The following LMTK3 variants were observed in gnomAD, a reference collection of about 807,000 sequenced individuals.
The protein encoded by LMTK3 is serine/threonine-protein kinase LMTK3.
A neutral mutation model predicts 116.7 loss-of-function variants in LMTK3; 27 were observed. That is an observed-to-expected ratio of 0.23 (90% CI 0.17 to 0.32). LMTK3 has a LOEUF of 0.32. Ranked by LOEUF, LMTK3 falls within the 10% of genes least tolerant of loss-of-function variation. The probability of loss-of-function intolerance (pLI) is 1.00; values close to 1 mark genes in which losing one functional copy is unlikely to be tolerated. For missense variants in LMTK3, 1,764 were observed against 2,068.5 expected (o/e 0.85, Z 2.86); for synonymous variants, 965 against 971.0 (o/e 0.99, Z 0.11).
Position 48,498,366 on chromosome 19 carries a change from C to G in LMTK3, c.2703G>C (p.Pro901=), listed in dbSNP as rs374685950. ...GRGPGNREKV[P]GLNRDPTVLG... Reference sequence around the variant, plus strand: ...GGACTGTCGGGTCCCTGTTCAGGCCCGGGACTTTCTCTCTGTTCCCGGGGC... The same window carrying G: ...GGACTGTCGGGTCCCTGTTCAGGCCGGGGACTTTCTCTCTGTTCCCGGGGC... Residue 901 remains proline (P), a synonymous_variant, in exon 11 of 15, where the codon CCG becomes CCC. Coordinates refer to ENST00000600059, the MANE Select transcript of LMTK3 (RefSeq NM_001388485.1). 94 of 1,612,754 alleles carry G rather than the reference C, an allele frequency of 5.8e-5. 1 individual carries two copies. The highest frequency in any genetic ancestry group is 7.5e-5 in the Non-Finnish European group (89 of 1,179,704).
At chr19:48,507,883 G>C (rs1349639189) in intron 5 of LMTK3, among the ~76,000 whole-genome samples, 1 of 152,180 alleles carries the variant, frequency 6.6e-6, no homozygotes, top group Non-Finnish European at 1.5e-5. Context: ...CTGGGGTATG[G>C]GTTATGAAGA....
intron 14 of LMTK3, among the ~76,000 whole-genome samples, chr19:48,488,005 C>G (rs960684430): frequency 6.6e-6 from 1 of 152,146 alleles, no homozygotes; most frequent in African/African-American, 2.4e-5. Context: ...GGGAGCCAGA[C>G]AGGCTCAGCA....
At chr19:48,489,478 C>T (rs1166118435) in intron 14 of LMTK3, among the ~76,000 whole-genome samples, 1 of 152,112 alleles carries the variant, frequency 6.6e-6, no homozygotes, top group African/African-American at 2.4e-5. Context: ...GAGGCTGAGG[C>T]AGGAGAATCG....
chr19:48,497,876 G>A lies in LMTK3; in HGVS notation c.3193C>T (p.Arg1065Trp), dbSNP rs1569102560. 7 of 1,455,114 alleles carry A rather than the reference G, an allele frequency of 4.8e-6. No individual in the cohort carries two copies. The Admixed American group carries it at 8.3e-5, about 17-fold the overall frequency. The allele number at this position is 1,455,114 out of a possible 1,614,324, so 90.1% of individuals were successfully genotyped here. Reference sequence around the variant, plus strand: ...CCAGGGGCTGTCTCCCCGCCGTTCCGGGAGGAGACCACTGCGCTGGGTGCA... The same window carrying A: ...CCAGGGGCTGTCTCCCCGCCGTTCCAGGAGGAGACCACTGCGCTGGGTGCA... ...APAPSAVVSS[R>W]NGGETAPGPL... Residue 1065 changes from arginine to tryptophan, a missense_variant, in exon 11 of 15, where the codon CGG becomes TGG. By Grantham distance (101) the Arg-to-Trp change is moderately radical. Transcript: ENST00000600059. This position sits in a 1 kb window ranked among gnomAD's most constrained non-coding sequence, Gnocchi z 5.7.
intron 14 of LMTK3, among the ~76,000 whole-genome samples, chr19:48,488,881 A>G (rs929528955): frequency 3.3e-5 from 5 of 152,046 alleles, no homozygotes; most frequent in African/African-American, 1.2e-4. Flanking sequence ...CTGGGATTAC[A>G]GGCATGCGCC....
rs755811752 is a variant in LMTK3, at chr19:48,499,595, C to A, written c.1474G>T (p.Gly492Trp). Residue 492 changes from glycine (G) to tryptophan (W), a missense_variant, in exon 11 of 15, where the codon GGG becomes TGG. This residue lies in a region of LMTK3 where 1,028 missense variants were observed against 1,050.6 expected (regional missense o/e 0.98). Transcript: ENST00000600059. ...EKARRGAGRG[G>W]GAPAWQPASA... ...GCCGGCTGCCAGGCAGGTGCCCCCC[C>A]ACCCCGGCCGGCCCCACGCCGGGCC... The A allele has an allele frequency of 8.3e-5, 127 of 1,537,844 alleles. No homozygotes were observed. The highest frequency in any genetic ancestry group is 1.9e-4 in the Middle Eastern group (1 of 5,378).
Position 48,511,604 on chromosome 19 carries a change from GTGGTGGCGGCT to G in LMTK3, c.-39_-29del. On this transcript the variant is annotated 5_prime_UTR_variant, in exon 1 of 15. Transcript: ENST00000600059. ...TGTCGAGGATGGCAGGGAGGTGGAG[GTGGTGGCGGCT>G]GGGGAGGAGGGGGGGGCGGGCCCTC... is the stretch of plus-strand genomic sequence containing the variant. 1 of 1,181,154 alleles carries G rather than the reference GTGGTGGCGGCT, an allele frequency of 8.5e-7. No individual in the cohort carries two copies. Among genetic ancestry groups the G allele is most frequent in the Non-Finnish European group, 1.1e-6 (1 of 879,464 alleles). The allele number at this position is 1,181,154 out of a possible 1,614,324, so 73.2% of individuals were successfully genotyped here.
At chr19:48,509,984 G>T in intron 3 of LMTK3, 39 bp downstream of exon 3, 1 of 1,606,694 alleles carries the variant, frequency 6.2e-7, no homozygotes. Context: ...GGCCTTTCCC[G>T]GGACACCATG....
Position 48,499,335 on chromosome 19 carries a change from C to G in LMTK3, c.1734G>C (p.Gln578His). 7.1e-7 allele frequency: 1 copy of G among 1,416,810 alleles called. No homozygotes were observed. The highest frequency in any genetic ancestry group is 9.2e-7 in the Non-Finnish European group (1 of 1,081,246). 87.8% of individuals were successfully genotyped at this position (1,416,810 alleles called of 1,614,324 possible). A position where few individuals can be genotyped will look rare whatever the true frequency, so the allele number is the denominator to read the frequency against. The change falls in exon 11 of 15, where the codon CAG (glutamine) becomes CAC (histidine). Residue 578 changes from glutamine to histidine, a missense_variant. Physicochemically the swap from Gln to His is conservative, Grantham distance 24. Transcript: ENST00000600059. ...QAPQAPSEVP[Q>H]LVSETWASPL... ...GGGAGGCCCAGGTCTCGGACACCAG[C>G]TGGGGGACCTCGGAGGGGGCCTGGG...
intron 12 of LMTK3, 64 bp downstream of exon 12, chr19:48,493,630 C>T: frequency 2.0e-6 from 3 of 1,504,470 alleles, no homozygotes; most frequent in Non-Finnish European, 2.7e-6. Context: ...AGGCCCTTCC[C>T]GGCTCTAGGC....
Position 48,499,456 on chromosome 19 carries a change from T to C in LMTK3, c.1613A>G (p.Tyr538Cys). ...SARSPSVSSEYYIRLEEHGSP... is the reference protein window; with the variant it reads ...SARSPSVSSECYIRLEEHGSP... ...GCCGTGCTCCTCCAAGCGGATGTAG[T>C]ACTCGCTGCTCACGGAGGGGCTGCG... Residue 538 changes from tyrosine to cysteine, a missense_variant, in exon 11 of 15, where the codon TAC becomes TGC. Physicochemically the swap from Tyr to Cys is radical, Grantham distance 194. Coordinates refer to ENST00000600059, the MANE Select transcript of LMTK3 (RefSeq NM_001388485.1). 1 of 1,474,462 alleles carries C rather than the reference T, an allele frequency of 6.8e-7. No individual in the cohort carries two copies. The highest frequency in any genetic ancestry group is 9.0e-7 in the Non-Finnish European group (1 of 1,113,484). 91.3% of individuals were successfully genotyped at this position (1,474,462 alleles called of 1,614,324 possible).
At chr19:48,495,430 T>C (rs1168174843) in intron 11 of LMTK3, among the ~76,000 whole-genome samples, 1 of 152,212 alleles carries the variant, frequency 6.6e-6, no homozygotes, top group Non-Finnish European at 1.5e-5. Flanking sequence ...AGTAGTTCAC[T>C]TGGGAAAAAG....
In LMTK3 at chr19:48,491,224, T is replaced by C. The variant is rs747944725; in HGVS notation, c.4250A>G (p.Glu1417Gly). 3 of 1,412,402 alleles carry C rather than the reference T, an allele frequency of 2.1e-6. No homozygotes were observed. Among genetic ancestry groups the C allele is most frequent in the Non-Finnish European group, 2.8e-6 (3 of 1,080,772 alleles). The allele number at this position is 1,412,402 out of a possible 1,614,324, so 87.5% of individuals were successfully genotyped here. ...TGGAGGGGGGAGGAGGGGGAAATCC[T>C]CCGCCCACTCGAAACTGCCTCCTGC... ...SGFGGSFEWA[E>G]DFPLLPPPGP... Residue 1417 changes from glutamate (E) to glycine (G), a missense_variant, in exon 14 of 15, where the codon GAG becomes GGG. Physicochemically the swap from Glu to Gly is moderately conservative, Grantham distance 98. This residue lies in a region of LMTK3 where 281 missense variants were observed against 301.4 expected (regional missense o/e 0.93). Coordinates refer to ENST00000600059, the MANE Select transcript of LMTK3 (RefSeq NM_001388485.1). This position sits in a 1 kb window ranked among gnomAD's most constrained non-coding sequence, Gnocchi z 5.1.
chr19:48,491,345 CCCCGCCCCGTCCGCCCCATGGCT>C lies in LMTK3; in HGVS notation c.4228+36_4228+58del, dbSNP rs1245839152. On this transcript the variant is annotated intron_variant, in intron 13 of 14. Coordinates refer to ENST00000600059, the MANE Select transcript of LMTK3 (RefSeq NM_001388485.1). The surrounding 1 kb of genome is among the most constrained non-coding windows in gnomAD (Gnocchi z 5.1). ...GACCAAGCCCCTCCCACCCCATAGACCCCGCCCCGTCCGCCCCATGGCTCCCGCCCCCTCCCGCCCCATAGGGC... is the reference window on the plus strand; with the variant it reads ...GACCAAGCCCCTCCCACCCCATAGACCCCGCCCCCTCCCGCCCCATAGGGC... 5.5e-5 allele frequency: 53 copies of C among 956,736 alleles called. No homozygotes were observed. The highest frequency in any genetic ancestry group is 7.0e-5 in the Non-Finnish European group (51 of 724,400). 59.3% of individuals were successfully genotyped at this position (956,736 alleles called of 1,614,324 possible). A position where few individuals can be genotyped will look rare whatever the true frequency, so the allele number is the denominator to read the frequency against.
At chr19:48,492,997 C>T (rs1308704360) in intron 12 of LMTK3, among the ~76,000 whole-genome samples, 1 of 151,884 alleles carries the variant, frequency 6.6e-6, no homozygotes, top group African/African-American at 2.4e-5. Flanking sequence ...ATTTCCCTGA[C>T]CAGTCTCTCC....
Position 48,498,191 on chromosome 19 carries a change from C to G in LMTK3, c.2878G>C (p.Glu960Gln), listed in dbSNP as rs1972372304. 6.2e-7 allele frequency: 1 copy of G among 1,613,640 alleles called. No homozygotes were observed. Among genetic ancestry groups the G allele is most frequent in the East Asian group, 2.2e-5 (1 of 44,814 alleles). ...GSPEREEKVLENGELTPPRRE... is the reference protein window; with the variant it reads ...GSPEREEKVLQNGELTPPRRE... ...CTTGGGGGTGTCAGCTCCCCATTCT[C>G]CAGCACTTTCTCTTCTCTCTCGGGG... The change falls in exon 11 of 15, where the codon GAG becomes CAG. Residue 960 changes from glutamate to glutamine, a missense_variant. Transcript: ENST00000600059.
intron 11 of LMTK3, among the ~76,000 whole-genome samples, chr19:48,495,006 G>GT (rs200566451): frequency 0.012 from 1,718 of 148,582 alleles, 19 homozygotes; most frequent in South Asian, 0.024. Context: ...TAGAGGGAGT[G>GT]TTTTTTTTGT....
rs1036546531 is a variant in LMTK3 at position 48,497,341 on chromosome 19, G to T, written c.3676+52C>A. 4.3e-6 allele frequency: 6 copies of T among 1,409,468 alleles called. No individual in the cohort carries two copies. The highest frequency in any genetic ancestry group is 3.4e-5 in the South Asian group (2 of 59,484). 87.3% of individuals were successfully genotyped at this position (1,409,468 alleles called of 1,614,324 possible). A position where few individuals can be genotyped will look rare whatever the true frequency, so the allele number is the denominator to read the frequency against. On this transcript the variant is annotated intron_variant, in intron 11 of 14. Coordinates refer to ENST00000600059, the MANE Select transcript of LMTK3 (RefSeq NM_001388485.1). The surrounding 1 kb of genome is among the most constrained non-coding windows in gnomAD (Gnocchi z 5.7). Reference sequence around the variant, plus strand: ...GTTTACCCACACTCACCCTCCGCACGCCTCGGAAACAGCCGGACCTCAGCC... The same window carrying T: ...GTTTACCCACACTCACCCTCCGCACTCCTCGGAAACAGCCGGACCTCAGCC...
chr19:48,510,336 T>A, intron 2 of LMTK3, 123 bp downstream of exon 2: 4 of 1,437,552 alleles, frequency 2.8e-6, no homozygotes, highest in Non-Finnish European at 3.8e-6. Flanking sequence ...GATCTTGCCA[T>A]AGCTTCAAGC....
Sources: allele counts gnomAD v4.1 joint callset (sites outside exome capture counted in the v4.1 genomes callset), GRCh38; gene constraint gnomAD v4.1.1; regional missense constraint gnomAD v4.1.1; non-coding constraint Gnocchi (gnomAD v3.1); transcripts MANE v1.5; gene names NCBI Gene and HGNC (gene_info 2026-07-23, HGNC 2026-07-21).